Variants in ADCY7 observed in about 807,000 individuals in gnomAD.
ADCY7 encodes adenylate cyclase type 7.
A neutral mutation model predicts 120.6 loss-of-function variants in ADCY7; 72 were observed. That is an observed-to-expected ratio of 0.60 (90% CI 0.49 to 0.73). The LOEUF (loss-of-function observed/expected upper bound fraction) is 0.73, where lower values mean the gene tolerates loss of function less well. Ranked by LOEUF, ADCY7 falls within the 30% of genes least tolerant of loss-of-function variation. The probability of loss-of-function intolerance (pLI) is 0.00; values close to 1 mark genes in which losing one functional copy is unlikely to be tolerated. For missense variants in ADCY7, 1,227 were observed against 1,486.0 expected (o/e 0.83, Z 2.87); for synonymous variants, 661 against 628.0 (o/e 1.05, Z -0.78).
At chr16:50,255,337 G>T (rs1363097387) in intron 1 of ADCY7, among the ~76,000 whole-genome samples, 9 of 137,298 alleles carry the variant, frequency 6.6e-5, no homozygotes, top group Non-Finnish European at 1.2e-4. Context: ...TAGAGATAGG[G>T]CCATCTAAAG....
In ADCY7 at chr16:50,304,429, G is replaced by T. The variant is rs1399543522; in HGVS notation, c.1438G>T (p.Ala480Ser). 1 of 1,604,588 alleles carries T rather than the reference G, an allele frequency of 6.2e-7. No individual in the cohort carries two copies. The highest frequency in any genetic ancestry group is 8.5e-7 in the Non-Finnish European group (1 of 1,175,578). The part of the protein sequence containing the change: ...PKGDAALKMR[A>S]SVRMTRYLES... ...GGGGGACGCGGCCCTGAAGATGCGG[G>T]CGTCAGTGCGCATGACCCGGTACCT... is the stretch of plus-strand genomic sequence containing the variant. The change falls in exon 11 of 26, where the codon GCG becomes TCG. Residue 480 changes from alanine to serine, a missense_variant. Physicochemically the swap from Ala to Ser is moderately conservative, Grantham distance 99. Around this residue, in one of 5 missense-constraint regions of ADCY7, gnomAD observed 332 missense variants for 455.8 expected, o/e 0.73. Coordinates refer to ENST00000673801, the MANE Select transcript of ADCY7 (RefSeq NM_001114.5).
At chr16:50,314,231 G>A (rs1383288006) in intron 23 of ADCY7, 61 bp from the exon 24 acceptor site, 96 of 1,534,660 alleles carry the variant, frequency 6.3e-5, no homozygotes, top group Non-Finnish European at 8.2e-5. Flanking sequence ...TGGCGCGCCA[G>A]GGCCCACTAG....
chr16:50,309,338 T>C (rs2036293876), intron 17 of ADCY7: 1 of 535,852 alleles, frequency 1.9e-6, no homozygotes, highest in East Asian at 3.1e-5. Flanking sequence ...TGGGGGTGTC[T>C]GCACCCTCAT....
intron 6 of ADCY7, among the ~76,000 whole-genome samples, chr16:50,293,976 G>A (rs1045653003): frequency 7.2e-5 from 11 of 152,164 alleles, no homozygotes; most frequent in African/African-American, 2.4e-4. Flanking sequence ...TGTGGGTGCT[G>A]GGTGCCGTTG....
At chr16:50,245,682 C>T (rs1469465160), upstream of ADCY7, among the ~76,000 whole-genome samples, 1 of 152,108 alleles carries the variant, frequency 6.6e-6, no homozygotes, top group Non-Finnish European at 1.5e-5. Context: ...AAAGCTCCCC[C>T]GGCTTGGGAG....
At chr16:50,291,613 G>T (rs373606107) in intron 3 of ADCY7, 123 bp from the exon 4 acceptor site, 18 of 1,057,974 alleles carry the variant, frequency 1.7e-5, no homozygotes, top group South Asian at 2.8e-5. Context: ...GCCCACGCAG[G>T]GGGTGGCGAG....
intron 1 of ADCY7, among the ~76,000 whole-genome samples, chr16:50,285,218 T>A (rs1290544964): frequency 3.9e-5 from 6 of 152,252 alleles, no homozygotes; most frequent in Non-Finnish European, 7.3e-5. Context: ...CTTTGACAGC[T>A]CTTGGCCACA....
At chr16:50,258,193 G>T (rs189823894) in intron 1 of ADCY7, among the ~76,000 whole-genome samples, 1 of 152,076 alleles carries the variant, frequency 6.6e-6, no homozygotes, top group South Asian at 2.1e-4. Flanking sequence ...CTATGACTGC[G>T]CCACTGCACT....
intron 1 of ADCY7, among the ~76,000 whole-genome samples, chr16:50,275,346 G>A (rs954929646): frequency 6.6e-6 from 1 of 152,230 alleles, no homozygotes; most frequent in African/African-American, 2.4e-5. Flanking sequence ...GCATTAAAGA[G>A]CTTCATAGGC....
Position 50,316,725 on chromosome 16 carries a change from G to A in ADCY7, c.*1220G>A, listed in dbSNP as rs181099925. On this transcript the variant is annotated 3_prime_UTR_variant, in exon 26 of 26. Coordinates refer to ENST00000673801, the MANE Select transcript of ADCY7 (RefSeq NM_001114.5). ...TCTTACTGTGCTTCAACTTCCCAAG[G>A]AATTGAAAGTCAACCTAACTGTAAC... 4.6e-5 allele frequency: 7 copies of A among 152,314 alleles called. No individual in the cohort carries two copies. Among genetic ancestry groups the A allele is most frequent in the Admixed American group, 4.6e-4 (7 of 15,280 alleles). The allele number at this position is 152,314 out of a possible 1,614,324, so 9.4% of individuals were successfully genotyped here.
At chr16:50,252,585 A>G (rs1294657884) in intron 1 of ADCY7, among the ~76,000 whole-genome samples, 1 of 152,174 alleles carries the variant, frequency 6.6e-6, no homozygotes, top group African/African-American at 2.4e-5. Flanking sequence ...CTCAGTGACG[A>G]TGGCAGGAGC....
At chr16:50,294,344 G>A (rs1214507982) in intron 6 of ADCY7, among the ~76,000 whole-genome samples, 1 of 152,204 alleles carries the variant, frequency 6.6e-6, no homozygotes, top group East Asian at 1.9e-4. Context: ...GAAGGCTCCG[G>A]GCTGCCTGCA....
Position 50,301,019 on chromosome 16 carries a change from TC to T in ADCY7, c.1236-60del, listed in dbSNP as rs373465875. The T allele has an allele frequency of 1.5e-3, 2,314 of 1,590,162 alleles. 30 individuals are homozygous for T. In the African/African-American group the frequency reaches 0.027, roughly 19 times the overall value. On this transcript the variant is annotated intron_variant, in intron 9 of 25. Transcript: ENST00000673801. Reference sequence around the variant, plus strand: ...GGGGCCCAGGCCTGCCTGCTGTGCATCCCTGGGTGGATGCCAGCCCTCTCTG... The same window carrying T: ...GGGGCCCAGGCCTGCCTGCTGTGCATCCTGGGTGGATGCCAGCCCTCTCTG...
rs534504931 is a variant in ADCY7 at position 50,315,428 on chromosome 16, G to A, written c.3166G>A (p.Val1056Ile). The A allele has an allele frequency of 4.3e-5, 69 of 1,614,178 alleles. No individual in the cohort carries two copies. The Middle Eastern group carries it at 6.6e-4, about 15-fold the overall frequency. The change falls in exon 26 of 26, where the codon GTC becomes ATC. Residue 1056 changes from valine (V) to isoleucine (I), a missense_variant. Around this residue, in one of 5 missense-constraint regions of ADCY7, gnomAD observed 244 missense variants for 332.8 expected, o/e 0.73. Coordinates refer to ENST00000673801, the MANE Select transcript of ADCY7 (RefSeq NM_001114.5). ...YSCECRGLIN[V>I]KGKGELRTYF... Reference sequence around the variant, plus strand: ...TTGTGAATGCCGTGGCCTGATCAACGTCAAAGGCAAAGGCGAGCTGAGGAC... The same window carrying A: ...TTGTGAATGCCGTGGCCTGATCAACATCAAAGGCAAAGGCGAGCTGAGGAC...
At chr16:50,261,469 G>C (rs2033055732) in intron 1 of ADCY7, among the ~76,000 whole-genome samples, 1 of 152,184 alleles carries the variant, frequency 6.6e-6, no homozygotes. Flanking sequence ...GGCAGGACTT[G>C]CCTCTGGAGG....
chr16:50,282,034 G>A (rs1025014203), intron 1 of ADCY7, among the ~76,000 whole-genome samples: 1 of 152,180 alleles, frequency 6.6e-6, no homozygotes, highest in Non-Finnish European at 1.5e-5. Flanking sequence ...CCAGGGGCCT[G>A]AGCGGGGCCT....
intron 23 of ADCY7, 66 bp from the exon 24 acceptor site, chr16:50,314,226 C>T (rs1193026720): frequency 3.8e-5 from 57 of 1,512,480 alleles, no homozygotes; most frequent in South Asian, 2.5e-4. Context: ...AAGAGTGGCG[C>T]GCCAGGGCCC....
intron 3 of ADCY7, among the ~76,000 whole-genome samples, chr16:50,291,381 G>C (rs1422348270): frequency 6.6e-6 from 1 of 152,060 alleles, no homozygotes; most frequent in East Asian, 1.9e-4. Flanking sequence ...CGCATTGCTG[G>C]AGGCAGCTGG....
chr16:50,272,819 G>A (rs1444711929), intron 1 of ADCY7, among the ~76,000 whole-genome samples: 5 of 152,130 alleles, frequency 3.3e-5, no homozygotes, highest in South Asian at 4.1e-4. Context: ...GCCTGTCTCC[G>A]GTACCCCCTC....
Sources: allele counts gnomAD v4.1 joint callset (sites outside exome capture counted in the v4.1 genomes callset), GRCh38; gene constraint gnomAD v4.1.1; regional missense constraint gnomAD v4.1.1; transcripts MANE v1.5; gene names NCBI Gene and HGNC (gene_info 2026-07-23, HGNC 2026-07-21).